The following MACROD2 variants were observed in gnomAD, a reference collection of about 807,000 sequenced individuals.
The protein encoded by MACROD2 is ADP-ribose glycohydrolase MACROD2.
In MACROD2, 36 loss-of-function variants were observed where a neutral mutation model predicts 70.4. That is an observed-to-expected ratio of 0.51 (90% confidence interval 0.39 to 0.68). The LOEUF (loss-of-function observed/expected upper bound fraction) is 0.68, where lower values mean the gene tolerates loss of function less well. Ranked by LOEUF, MACROD2 falls within the 30% of genes least tolerant of loss-of-function variation. MACROD2 has a pLI of 0.00. For synonymous variants in MACROD2, 172 were observed against 178.8 expected, an observed-to-expected ratio of 0.96 and a Z score of 0.30; for missense variants, 496 against 538.4, an observed-to-expected ratio of 0.92 and a Z score of 0.78.
At chr20:15,119,641 C>T (rs1028620385) in intron 5 of MACROD2, among the ~76,000 whole-genome samples, 12 of 152,232 alleles carry the variant, frequency 7.9e-5, no homozygotes, top group African/African-American at 2.7e-4. Flanking sequence ...AGAACCCATT[C>T]TACCCATTGT....
At chr20:15,003,752 G>A (rs1044959844) in intron 5 of MACROD2, among the ~76,000 whole-genome samples, 24 of 152,296 alleles carry the variant, frequency 1.6e-4, no homozygotes, top group African/African-American at 5.8e-4. Flanking sequence ...CTGGAGAGAG[G>A]AGGGAAGCCT....
intron 8 of MACROD2, among the ~76,000 whole-genome samples, chr20:15,618,919 T>G (rs1378992389): frequency 2.0e-5 from 3 of 152,164 alleles, no homozygotes; most frequent in Non-Finnish European, 4.4e-5. Context: ...ATTTTAAGGA[T>G]AATTTGGCGG....
At chr20:14,992,983 G>A (rs1482811176) in intron 5 of MACROD2, among the ~76,000 whole-genome samples, 1 of 152,082 alleles carries the variant, frequency 6.6e-6, no homozygotes, top group Non-Finnish European at 1.5e-5. Context: ...AAATACAATA[G>A]AATATTTAAT....
chr20:15,351,153 A>G (rs1188712352), intron 6 of MACROD2, among the ~76,000 whole-genome samples: 2 of 152,088 alleles, frequency 1.3e-5, no homozygotes, highest in Non-Finnish European at 2.9e-5. Flanking sequence ...GAAGATGTTA[A>G]TAAGTTAGGG....
At chr20:15,229,460 A>T (rs1052640851) in intron 5 of MACROD2, among the ~76,000 whole-genome samples, 1 of 151,994 alleles carries the variant, frequency 6.6e-6, no homozygotes, top group Non-Finnish European at 1.5e-5. Context: ...TTCTCTTGGT[A>T]TTTTTTTTCA....
chr20:15,588,285 C>T (rs1168712687), intron 8 of MACROD2, among the ~76,000 whole-genome samples: 2 of 152,156 alleles, frequency 1.3e-5, no homozygotes, highest in Non-Finnish European at 2.9e-5. Context: ...CTAGACTGCA[C>T]ACAGAATGGG....
intron 15 of MACROD2, among the ~76,000 whole-genome samples, chr20:16,001,140 C>T (rs8121341): frequency 0.076 from 11,533 of 152,242 alleles, 459 homozygotes; most frequent in South Asian, 0.12. Flanking sequence ...CAGAAGGAAA[C>T]TCAATTTCTT....
At chr20:15,295,907 A>C (rs1192807974) in intron 6 of MACROD2, among the ~76,000 whole-genome samples, 1 of 152,198 alleles carries the variant, frequency 6.6e-6, no homozygotes, top group Non-Finnish European at 1.5e-5. Context: ...CGGCTAATAG[A>C]AAAATGCAAG....
chr20:14,513,141 T>G (rs1486070251), intron 4 of MACROD2, among the ~76,000 whole-genome samples: 1 of 152,152 alleles, frequency 6.6e-6, no homozygotes, highest in Non-Finnish European at 1.5e-5. Flanking sequence ...GTGAGGTCTC[T>G]TATTTGTTGA....
At chr20:15,800,562 A>G (rs2109535) in intron 8 of MACROD2, among the ~76,000 whole-genome samples, 54,025 of 152,028 alleles carry the variant, frequency 0.36, 11,423 homozygotes, top group African/African-American at 0.58. Flanking sequence ...GTATGTTCTT[A>G]ATGCCTTTGT....
At chr20:15,949,176 T>C (rs1348767535) in intron 12 of MACROD2, among the ~76,000 whole-genome samples, 4 of 152,184 alleles carry the variant, frequency 2.6e-5, no homozygotes, top group Non-Finnish European at 4.4e-5. Context: ...AAAATGGAAT[T>C]GTAATAGTAT....
At chr20:15,681,348 A>G (rs1444442143) in intron 8 of MACROD2, among the ~76,000 whole-genome samples, 1 of 152,214 alleles carries the variant, frequency 6.6e-6, no homozygotes, top group African/African-American at 2.4e-5. Flanking sequence ...ATAAATTGCT[A>G]TTCAAAAACA....
intron 5 of MACROD2, among the ~76,000 whole-genome samples, chr20:15,062,887 A>C (rs1211625556): frequency 6.6e-6 from 1 of 152,204 alleles, no homozygotes; most frequent in Non-Finnish European, 1.5e-5. Context: ...ACTGGTGTCC[A>C]AAACTCCCCA....
At chr20:15,683,732 C>T (rs955610944) in intron 8 of MACROD2, among the ~76,000 whole-genome samples, 1 of 152,084 alleles carries the variant, frequency 6.6e-6, no homozygotes, top group African/African-American at 2.4e-5. Flanking sequence ...GCATGTACCA[C>T]CACGCCCAGC....
chr20:15,551,331 A>G (rs1244629300), intron 8 of MACROD2, among the ~76,000 whole-genome samples: 1 of 135,154 alleles, frequency 7.4e-6, no homozygotes, highest in East Asian at 2.7e-4. Flanking sequence ...TCTCTCATTT[A>G]ATATTTAAAA....
At chr20:15,979,286 A>G (rs1478120361) in intron 13 of MACROD2, among the ~76,000 whole-genome samples, 2 of 152,154 alleles carry the variant, frequency 1.3e-5, no homozygotes, top group Non-Finnish European at 1.5e-5. Flanking sequence ...ACGAAGGAAC[A>G]TGGTTTATTA....
rs1342777666 is a variant in MACROD2 at position 14,970,492 on chromosome 20, C to T, written c.419-259448C>T. 3.3e-5 allele frequency among the ~76,000 whole-genome samples: 5 copies of T among 151,960 alleles called. No individual in the cohort carries two copies. The South Asian group carries it at 1.0e-3, about 32-fold the overall frequency. On this transcript the variant is annotated intron_variant, in intron 5 of 17. Coordinates refer to ENST00000684519, the MANE Select transcript of MACROD2 (RefSeq NM_001351661.2). ...ACATTTATCAATGAGATCAACAGAG[C>T]CATTTTTTCCTCCAGTGTTGAAGGG...
intron 3 of MACROD2, among the ~76,000 whole-genome samples, chr20:14,467,189 C>T (rs965657317): frequency 6.6e-6 from 1 of 152,148 alleles, no homozygotes; most frequent in African/African-American, 2.4e-5. Context: ...CCACCCAGTT[C>T]GAGCTTCCTG....
chr20:15,375,629 A>C (rs2045551806), intron 6 of MACROD2, among the ~76,000 whole-genome samples: 1 of 152,146 alleles, frequency 6.6e-6, no homozygotes. Context: ...AGTTGATCAG[A>C]GTTAGCTTTC....
Sources: allele counts gnomAD v4.1 joint callset (sites outside exome capture counted in the v4.1 genomes callset), GRCh38; gene constraint gnomAD v4.1.1; transcripts MANE v1.5; gene names NCBI Gene and HGNC (gene_info 2026-07-23, HGNC 2026-07-21).